The following PSG11 variants were observed in gnomAD, a reference collection of about 807,000 sequenced individuals.
PSG11 encodes pregnancy-specific beta-1-glycoprotein 11.
In PSG11, 42 loss-of-function variants were observed where a neutral mutation model predicts 36.0. The observed-to-expected ratio is 1.17, with a 90% confidence interval of 0.91 to 1.51. The LOEUF is 1.51. Among genes scored for constraint, PSG11 ranks in the 40% most tolerant of loss-of-function variants. PSG11 has a pLI of 0.00. For synonymous variants in PSG11, 206 were observed against 153.5 expected (o/e 1.34, Z -2.53); for missense variants, 558 against 403.5 (o/e 1.38, Z -3.28).
chr19:43,010,946 C>G (rs897899623), intron 4 of PSG11, among the ~76,000 whole-genome samples: 1 of 148,974 alleles, frequency 6.7e-6, no homozygotes, highest in African/African-American at 2.5e-5. Flanking sequence ...AGGGGCACTT[C>G]CTATGTGCCA....
chr19:43,023,034 G>A (rs1325790746), intron 2 of PSG11, among the ~76,000 whole-genome samples: 1 of 150,888 alleles, frequency 6.6e-6, no homozygotes, highest in East Asian at 1.9e-4. Flanking sequence ...ATGGCAGTGA[G>A]CAGTGAGGGA....
At chr19:43,025,915 C>CCT (rs1967237817) in intron 1 of PSG11, among the ~76,000 whole-genome samples, 2 of 93,920 alleles carry the variant, frequency 2.1e-5, no homozygotes, top group Non-Finnish European at 2.1e-5. Context: ...GGCCTTCTTT[C>CCT]CTTTTTTTTT....
Position 43,024,595 on chromosome 19 carries a change from G to A in PSG11, c.430+96C>T, listed in dbSNP as rs113590812. The A allele has an allele frequency of 7.4e-3, 11,835 of 1,593,364 alleles. 652 individuals carry two copies. The East Asian group carries it at 0.088, about 12-fold the overall frequency. On this transcript the variant is annotated intron_variant, in intron 2 of 5. Coordinates refer to ENST00000320078, the MANE Select transcript of PSG11 (RefSeq NM_002785.3). ...CCCAGCATGGGACATAATGCAGAGA[G>A]GGACACAGGCAATGTCCAGGCCTGA...
chr19:43,020,318 C>G (rs931711529), intron 2 of PSG11, among the ~76,000 whole-genome samples: 3 of 151,294 alleles, frequency 2.0e-5, no homozygotes, highest in African/African-American at 7.3e-5. Context: ...AATTTAAAAT[C>G]CACAATGCGC....
intron 4 of PSG11, among the ~76,000 whole-genome samples, chr19:43,011,001 A>G (rs1974063864): frequency 6.6e-6 from 1 of 150,624 alleles, no homozygotes; most frequent in Admixed American, 6.7e-5. Context: ...TAATCCACAC[A>G]ATAACCCTGT....
intron 3 of PSG11, among the ~76,000 whole-genome samples, chr19:43,016,861 C>T (rs886100450): frequency 6.6e-6 from 1 of 151,472 alleles, no homozygotes; most frequent in Non-Finnish European, 1.5e-5. Flanking sequence ...TGGACATTTG[C>T]AAATGCAGAA....
At chr19:43,020,535 A>T (rs1167405470) in intron 2 of PSG11, among the ~76,000 whole-genome samples, 6 of 151,478 alleles carry the variant, frequency 4.0e-5, no homozygotes, top group Non-Finnish European at 7.4e-5. Context: ...ATGTTTTCAT[A>T]AGTGGAAATT....
chr19:43,023,796 G>A (rs558206583), intron 2 of PSG11, among the ~76,000 whole-genome samples: 13 of 151,370 alleles, frequency 8.6e-5, no homozygotes, highest in African/African-American at 3.2e-4. Flanking sequence ...AATCAGATAA[G>A]TTAAATGGCA....
At chr19:43,015,764 T>C in intron 3 of PSG11, 1 of 1,606,858 alleles carries the variant, frequency 6.2e-7, no homozygotes, top group Non-Finnish European at 8.5e-7. Context: ...GAACAAAAGA[T>C]ACAGAGGACA....
chr19:43,017,679 A>C (rs1049117818), intron 3 of PSG11: 8 of 151,338 alleles, frequency 5.3e-5, no homozygotes, highest in African/African-American at 2.0e-4. Flanking sequence ...GTTGCATTGA[A>C]TCTGCAACTC....
At chr19:43,024,535 C>G in intron 2 of PSG11, 156 bp downstream of exon 2, 1 of 1,405,996 alleles carries the variant, frequency 7.1e-7, no homozygotes, top group South Asian at 1.3e-5. Flanking sequence ...TGAAATTTGT[C>G]TCCTCTGTGT....
intron 2 of PSG11, among the ~76,000 whole-genome samples, chr19:43,022,893 G>C (rs1268092154): frequency 6.6e-6 from 1 of 150,576 alleles, no homozygotes; most frequent in African/African-American, 2.5e-5. Context: ...AGAACAGCCA[G>C]CCTAGTTAGA....
chr19:43,024,289 TAC>T (rs1036296323), intron 2 of PSG11, among the ~76,000 whole-genome samples: 1 of 151,300 alleles, frequency 6.6e-6, no homozygotes, highest in Non-Finnish European at 1.5e-5. Flanking sequence ...AGGATTTAGG[TAC>T]AGAGTTCTGG....
chr19:43,018,592 C>T lies in PSG11; in HGVS notation c.709+178G>A, dbSNP rs1357010775. The T allele has an allele frequency of 2.7e-5, 38 of 1,429,700 alleles. No homozygotes were observed. In the East Asian group the frequency reaches 3.9e-4, roughly 15 times the overall value. 88.6% of individuals were successfully genotyped at this position (1,429,700 alleles called of 1,614,324 possible). A position where few individuals can be genotyped will look rare whatever the true frequency, so the allele number is the denominator to read the frequency against. On this transcript the variant is annotated intron_variant, in intron 3 of 5. Coordinates refer to ENST00000320078, the MANE Select transcript of PSG11 (RefSeq NM_002785.3). ...ATGACAGGAGCAGCCTCTTTTCTCCCACTGTGGATCAAGCCTAGGCCTACT... is the reference window on the plus strand; with the variant it reads ...ATGACAGGAGCAGCCTCTTTTCTCCTACTGTGGATCAAGCCTAGGCCTACT...
chr19:43,012,129 C>G (rs776059731), intron 4 of PSG11, among the ~76,000 whole-genome samples: 3 of 151,084 alleles, frequency 2.0e-5, no homozygotes, highest in Non-Finnish European at 4.4e-5. Context: ...GAAAAACATT[C>G]TAAGAATGGA....
At chr19:43,023,547 A>G (rs1568492760) in intron 2 of PSG11, among the ~76,000 whole-genome samples, 1 of 151,086 alleles carries the variant, frequency 6.6e-6, no homozygotes, top group Non-Finnish European at 1.5e-5. Flanking sequence ...TTAGTTCTGG[A>G]GTATAGACTA....
chr19:43,015,630 A>T, intron 3 of PSG11: 1 of 1,480,046 alleles, frequency 6.8e-7, no homozygotes, highest in Non-Finnish European at 9.0e-7. Context: ...AAGTTTTCCC[A>T]GGGCAGGGAG....
intron 4 of PSG11, among the ~76,000 whole-genome samples, chr19:43,011,610 G>T (rs1974077752): frequency 6.6e-6 from 1 of 151,332 alleles, no homozygotes; most frequent in African/African-American, 2.4e-5. Flanking sequence ...AATGGACTCT[G>T]AGCATGGTGG....
chr19:43,022,728 C>G (rs893506647), intron 2 of PSG11, among the ~76,000 whole-genome samples: 6 of 151,172 alleles, frequency 4.0e-5, no homozygotes, highest in African/African-American at 4.9e-5. Context: ...AGGGGAAGAG[C>G]CCTTGATGGG....
Sources: gnomAD v4.1 joint callset for allele counts (sites outside exome capture counted in the v4.1 genomes callset) on GRCh38, gnomAD v4.1.1 for gene constraint, MANE v1.5 for transcripts, NCBI Gene and HGNC (gene_info 2026-07-23, HGNC 2026-07-21) for gene names.